The following C10orf105 variants were observed in gnomAD, a reference collection of about 807,000 sequenced individuals.
The protein encoded by C10orf105 is chromosome 10 open reading frame 105.
A neutral mutation model predicts 0.6 loss-of-function variants in C10orf105; 2 were observed. The observed-to-expected ratio is 3.18, with a 90% CI of 1.30 to 10.01. The LOEUF (loss-of-function observed/expected upper bound fraction) is 10.01, where lower values mean the gene tolerates loss of function less well. C10orf105 is among the 30% of genes most tolerant of loss of function. C10orf105 has a pLI of 0.04. For synonymous variants in C10orf105, 95 were observed against 82.4 expected (o/e 1.15, Z -0.83); for missense variants, 209 against 191.4 (o/e 1.09, Z -0.54).
intron 1 of C10orf105, chr10:71,717,035 A>G (rs570502028): frequency 1.1e-4 from 16 of 152,094 alleles, no homozygotes; most frequent in African/African-American, 3.4e-4. Flanking sequence ...GGCCCACCAC[A>G]CACCTTATTT....
chr10:71,730,897 T>C (rs1355452764), intron 1 of C10orf105, among the ~76,000 whole-genome samples: 1 of 152,178 alleles, frequency 6.6e-6, no homozygotes, highest in Non-Finnish European at 1.5e-5. Context: ...CACTAGCCTT[T>C]AGAGAGGGGC....
chr10:71,734,465 C>A (rs1839497729), intron 1 of C10orf105: 2 of 1,497,642 alleles, frequency 1.3e-6, no homozygotes, highest in East Asian at 4.8e-5. Flanking sequence ...TCTTGATAGC[C>A]TGAGGCTTCG....
At chr10:71,736,054 G>A (rs1308520410) in intron 1 of C10orf105, among the ~76,000 whole-genome samples, 1 of 152,278 alleles carries the variant, frequency 6.6e-6, no homozygotes, top group African/African-American at 2.4e-5. Flanking sequence ...GGAGAGGCCA[G>A]TGGGAGCCCA....
At chr10:71,733,767 C>G (rs929743590) in intron 1 of C10orf105, among the ~76,000 whole-genome samples, 2 of 152,236 alleles carry the variant, frequency 1.3e-5, no homozygotes, top group South Asian at 4.1e-4. Flanking sequence ...CTTACTCCTT[C>G]GTCTTTGCTT....
chr10:71,721,840 A>T (rs1303247569), upstream of C10orf105, among the ~76,000 whole-genome samples: 1 of 152,180 alleles, frequency 6.6e-6, no homozygotes, highest in African/African-American at 2.4e-5. Flanking sequence ...CTGTCCCTGC[A>T]TGAGCCCTTC....
rs1866040976 is a variant in C10orf105, at chr10:71,712,930, GGGTCCGCT to G, written c.*2998_*3005del. ...GCGGAAGCAGGTGGGGGCCCAGGGT[GGGTCCGCT>G]GCTCTGGAAGGTGCTGTGGGGAAAG... On this transcript the variant is annotated 3_prime_UTR_variant, in exon 2 of 2. Coordinates refer to ENST00000441508, the MANE Select transcript of C10orf105 (RefSeq NM_001164375.3). 1 of 1,247,344 alleles carries G rather than the reference GGGTCCGCT, an allele frequency of 8.0e-7. No homozygotes were observed. The highest frequency in any genetic ancestry group is 2.5e-5 in the East Asian group (1 of 39,590). 77.3% of individuals were successfully genotyped at this position (1,247,344 alleles called of 1,614,324 possible).
At position 71,716,119 on chromosome 10, in the gene C10orf105, C is replaced by T. The variant is rs1432397870; in HGVS notation, c.219G>A (p.Glu73=). 8 of 1,548,760 alleles carry T rather than the reference C, an allele frequency of 5.2e-6. No homozygotes were observed. Among genetic ancestry groups the T allele is most frequent in the African/African-American group, 1.4e-5 (1 of 72,992 alleles). Residue 73 remains glutamate, a synonymous_variant, in exon 2 of 2, where the codon GAG becomes GAA. Transcript: ENST00000441508. ...GGCTCCCAGGGTGGTGGGGCATGCA[C>T]TCGTGAGCCCTGCGGCGGCTCGGGT... The part of the protein sequence containing the change: ...ALDPSRRRAH[E]CMPHHPGSPS...
chr10:71,717,620 A>T (rs1866333132), intron 1 of C10orf105: 1 of 152,220 alleles, frequency 6.6e-6, no homozygotes, highest in Non-Finnish European at 1.5e-5. Context: ...ATAACACATG[A>T]CCAGAGGGTA....
At chr10:71,725,297 C>T (rs1400725101) in intron 1 of C10orf105, 2 of 1,606,008 alleles carry the variant, frequency 1.2e-6, no homozygotes, top group Non-Finnish European at 1.7e-6. Flanking sequence ...CTTCTGCCCC[C>T]AACCATGGCA....
At chr10:71,730,499 G>A (rs760093031) in intron 1 of C10orf105, 8 of 1,613,930 alleles carry the variant, frequency 5.0e-6, no homozygotes, top group Non-Finnish European at 6.8e-6. Context: ...CATCAACGAT[G>A]AGGCCCCCGT....
intron 1 of C10orf105, among the ~76,000 whole-genome samples, chr10:71,735,884 G>C (rs75723102): frequency 6.6e-6 from 1 of 152,184 alleles, no homozygotes; most frequent in Admixed American, 6.5e-5. Context: ...TGAGCAGAGC[G>C]CTCGGGCAGT....
chr10:71,716,444 C>T (rs1866244294), intron 1 of C10orf105, 102 bp from the exon 2 acceptor site: 6 of 897,828 alleles, frequency 6.7e-6, no homozygotes, highest in Non-Finnish European at 1.0e-5. Context: ...GGGCAAGGCA[C>T]TGTTAAACTG....
intron 1 of C10orf105, among the ~76,000 whole-genome samples, chr10:71,731,051 C>T (rs1276390779): frequency 6.6e-6 from 1 of 152,256 alleles, no homozygotes; most frequent in East Asian, 1.9e-4. Context: ...GGGCAGTACC[C>T]TTCCTGTGCC....
chr10:71,724,114 G>C (rs752929224), upstream of C10orf105: 1 of 1,554,752 alleles, frequency 6.4e-7, no homozygotes, highest in African/African-American at 1.4e-5. Context: ...TGGTAAGTGG[G>C]GCTGCCCTAG....
chr10:71,718,990 A>G (rs947517978), intron 1 of C10orf105, among the ~76,000 whole-genome samples: 1 of 152,128 alleles, frequency 6.6e-6, no homozygotes, highest in African/African-American at 2.4e-5. Context: ...AGGCAGAAGG[A>G]TCATTTGAGC....
intron 1 of C10orf105, chr10:71,734,299 A>T: frequency 6.2e-7 from 1 of 1,612,460 alleles, no homozygotes; most frequent in South Asian, 1.1e-5. Flanking sequence ...ATACCTTGAC[A>T]GTGGTGGCAG....
Position 71,712,957 on chromosome 10 carries a change from G to A in C10orf105, c.*2979C>T. 1 of 984,582 alleles carries A rather than the reference G, an allele frequency of 1.0e-6. No homozygotes were observed. The highest frequency in any genetic ancestry group is 1.6e-6 in the Non-Finnish European group (1 of 639,002). 61.0% of individuals were successfully genotyped at this position (984,582 alleles called of 1,614,324 possible). On this transcript the variant is annotated 3_prime_UTR_variant, in exon 2 of 2. Coordinates refer to ENST00000441508, the MANE Select transcript of C10orf105 (RefSeq NM_001164375.3). Reference sequence around the variant, plus strand: ...GTCCGCTGCTCTGGAAGGTGCTGTGGGGAAAGGGGGACCCAGGCCCTCTCC... The same window carrying A: ...GTCCGCTGCTCTGGAAGGTGCTGTGAGGAAAGGGGGACCCAGGCCCTCTCC...
intron 1 of C10orf105, among the ~76,000 whole-genome samples, chr10:71,733,004 TCA>T (rs1212134497): frequency 1.3e-5 from 2 of 152,190 alleles, no homozygotes; most frequent in African/African-American, 4.8e-5. Flanking sequence ...GGGCTCAGTC[TCA>T]CAAAACTGCC....
chr10:71,729,032 A>G (rs1235735938), intron 1 of C10orf105, among the ~76,000 whole-genome samples: 1 of 152,060 alleles, frequency 6.6e-6, no homozygotes, highest in African/African-American at 2.4e-5. Flanking sequence ...ACAGAGTCTC[A>G]CTATGTTGCC....
Sources: gnomAD v4.1 joint callset for allele counts (sites outside exome capture counted in the v4.1 genomes callset) on GRCh38, gnomAD v4.1.1 for gene constraint, MANE v1.5 for transcripts, NCBI Gene and HGNC (gene_info 2026-07-23, HGNC 2026-07-21) for gene names.